Variants in ZNF892 observed in about 807,000 individuals in gnomAD.
ZNF892 encodes the protein zinc finger protein 570-like.
the ZNF892 span, among the ~76,000 whole-genome samples, chr2:95,244,822 A>G: frequency 1.3e-5 from 2 of 152,228 alleles, no homozygotes; most frequent in Non-Finnish European, 2.9e-5. Context: ...CAAAGGACTG[A>G]AATAATAACA....
chr2:95,224,464 TC>T, the ZNF892 span, among the ~76,000 whole-genome samples: 7 of 152,110 alleles, frequency 4.6e-5, no homozygotes, highest in Non-Finnish European at 7.4e-5. Flanking sequence ...TGGGGAGGCC[TC>T]AGGGAGCTTA....
the ZNF892 span, among the ~76,000 whole-genome samples, chr2:95,227,194 A>G: frequency 4.1e-5 from 6 of 145,394 alleles, 1 homozygote; most frequent in Admixed American, 4.3e-4. Context: ...TTTCTAGCAC[A>G]TCTGCTTTAT....
At chr2:95,262,405 G>T in the ZNF892 span, among the ~76,000 whole-genome samples, 1 of 152,160 alleles carries the variant, frequency 6.6e-6, no homozygotes, top group Non-Finnish European at 1.5e-5. Flanking sequence ...GTGCCCGGCC[G>T]AAAGTTCATG....
At chr2:95,233,717 A>C in the ZNF892 span, among the ~76,000 whole-genome samples, 1 of 135,664 alleles carries the variant, frequency 7.4e-6, no homozygotes, top group Admixed American at 7.6e-5. Flanking sequence ...TATGTTGCCC[A>C]AACTGCTGTC....
At chr2:95,214,133 G>T in the ZNF892 span, among the ~76,000 whole-genome samples, 110 of 152,150 alleles carry the variant, frequency 7.2e-4, no homozygotes, top group African/African-American at 2.3e-3. Context: ...TTATGCCGTC[G>T]TACTTCTTTG....
At chr2:95,257,594 A>G in the ZNF892 span, among the ~76,000 whole-genome samples, 4 of 152,176 alleles carry the variant, frequency 2.6e-5, no homozygotes, top group South Asian at 8.3e-4. Flanking sequence ...CTCTCTTCAA[A>G]GCTGTCAGAC....
At chr2:95,216,486 AT>A in the ZNF892 span, among the ~76,000 whole-genome samples, 2 of 152,206 alleles carry the variant, frequency 1.3e-5, no homozygotes, top group Admixed American at 1.3e-4. Context: ...TGTACCTTAG[AT>A]TTTTTTATAG....
At chr2:95,226,677 A>G in the ZNF892 span, among the ~76,000 whole-genome samples, 63 of 152,254 alleles carry the variant, frequency 4.1e-4, no homozygotes, top group Non-Finnish European at 6.5e-4. Flanking sequence ...TCAAATGCCA[A>G]ACTCTCCTTG....
At chr2:95,211,822 T>C in the ZNF892 span, 7 of 397,370 alleles carry the variant, frequency 1.8e-5, no homozygotes, top group Non-Finnish European at 3.1e-5. Context: ...TGATTCTTAA[T>C]TCTAGTAGGG....
At chr2:95,217,490 G>A in the ZNF892 span, among the ~76,000 whole-genome samples, 1 of 152,124 alleles carries the variant, frequency 6.6e-6, no homozygotes, top group Non-Finnish European at 1.5e-5. Flanking sequence ...ATCAGATATG[G>A]CTAAGACTCA....
At chr2:95,223,108 C>T in the ZNF892 span, among the ~76,000 whole-genome samples, 1 of 152,166 alleles carries the variant, frequency 6.6e-6, no homozygotes, top group Non-Finnish European at 1.5e-5. Context: ...TGTGTCCATC[C>T]CTTTGCCAAA....
the ZNF892 span, among the ~76,000 whole-genome samples, chr2:95,260,037 C>T: frequency 2.0e-5 from 3 of 152,180 alleles, no homozygotes; most frequent in African/African-American, 7.2e-5. Flanking sequence ...TGGAGGTGCC[C>T]TGGGAAGCTT....
the ZNF892 span, among the ~76,000 whole-genome samples, chr2:95,211,190 G>A: frequency 1.3e-5 from 2 of 152,054 alleles, no homozygotes; most frequent in Non-Finnish European, 2.9e-5. Context: ...TCATTCTTAG[G>A]AAAACTAGAG....
At chr2:95,233,204 C>CTT in the ZNF892 span, among the ~76,000 whole-genome samples, 2 of 143,688 alleles carry the variant, frequency 1.4e-5, no homozygotes. Flanking sequence ...TTTTCCTTTT[C>CTT]TTTTTTTTTT....
chr2:95,237,392 G>T, the ZNF892 span, among the ~76,000 whole-genome samples: 210 of 152,124 alleles, frequency 1.4e-3, 4 homozygotes, highest in South Asian at 0.041. Context: ...GATCTTTAAT[G>T]CTATTATTGT....
chr2:95,235,876 G>A, the ZNF892 span, among the ~76,000 whole-genome samples: 5 of 152,198 alleles, frequency 3.3e-5, no homozygotes, highest in African/African-American at 1.2e-4. Context: ...TTCAAAAGAG[G>A]AAGAAGCTCA....
At chr2:95,215,060 C>T in the ZNF892 span, 4 of 509,248 alleles carry the variant, frequency 7.9e-6, no homozygotes, top group Middle Eastern at 3.2e-4. Flanking sequence ...GGAAGGCCTT[C>T]AGCCAAAGCA....
At chr2:95,210,184 T>A in the ZNF892 span, among the ~76,000 whole-genome samples, 2 of 148,918 alleles carry the variant, frequency 1.3e-5, no homozygotes, top group Non-Finnish European at 3.0e-5. Context: ...TGTGTATATA[T>A]GTATATGTGT....
chr2:95,244,472 G>A, the ZNF892 span, among the ~76,000 whole-genome samples: 12 of 151,934 alleles, frequency 7.9e-5, no homozygotes, highest in Middle Eastern at 3.4e-3. Context: ...TAATGGTAAC[G>A]CATTCAATTA....
Sources: gnomAD v4.1 joint callset for allele counts (sites outside exome capture counted in the v4.1 genomes callset) on GRCh38, gnomAD v4.1.1 for gene constraint, MANE v1.5 for transcripts, NCBI Gene and HGNC (gene_info 2026-07-23, HGNC 2026-07-21) for gene names.